The following TENM2 variants were observed in gnomAD, a reference collection of about 807,000 sequenced individuals.
TENM2 encodes the protein teneurin-2.
Under a neutral mutation model 245.2 loss-of-function variants are expected in TENM2, and 52 were observed. The ratio of observed to expected loss-of-function variants is 0.21; its 90% CI spans 0.17 to 0.27. TENM2 has a LOEUF of 0.27. Ranked by LOEUF, TENM2 falls within the 10% of genes least tolerant of loss-of-function variation. The probability of loss-of-function intolerance (pLI) is 1.00; values close to 1 mark genes in which losing one functional copy is unlikely to be tolerated. For synonymous variants in TENM2, 1,363 were observed against 1,438.9 expected, an observed-to-expected ratio of 0.95 and a Z score of 1.19; for missense variants, 3,046 against 3,666.8, an observed-to-expected ratio of 0.83 and a Z score of 4.37.
chr5:168,230,011 C>CTAAG (rs1366646980), intron 25 of TENM2, among the ~76,000 whole-genome samples: 2 of 152,162 alleles, frequency 1.3e-5, no homozygotes, highest in African/African-American at 4.8e-5. Context: ...TGCATTTTGA[C>CTAAG]TAAGTTTTCC....
intron 23 of TENM2, among the ~76,000 whole-genome samples, chr5:168,221,876 T>C (rs1307697838): frequency 6.6e-6 from 1 of 152,246 alleles, no homozygotes; most frequent in Non-Finnish European, 1.5e-5. Flanking sequence ...ACATGCTTAC[T>C]GATTGACGTT....
chr5:167,376,891 G>C (rs57699167), intron 2 of TENM2, among the ~76,000 whole-genome samples: 4,337 of 152,172 alleles, frequency 0.029, 211 homozygotes, highest in African/African-American at 0.099. Context: ...TTAAATGAAG[G>C]CAATTTGATT....
At chr5:167,144,810 T>C in the TENM2 span, among the ~76,000 whole-genome samples, 3 of 152,226 alleles carry the variant, frequency 2.0e-5, no homozygotes, top group African/African-American at 4.8e-5. Context: ...TTTAGTTTCC[T>C]GTTGTTGCTG....
intron 1 of TENM2, among the ~76,000 whole-genome samples, chr5:167,345,676 C>T (rs774167558): frequency 2.0e-5 from 3 of 151,848 alleles, no homozygotes; most frequent in Non-Finnish European, 4.4e-5. Flanking sequence ...TCACATAGGC[C>T]CCACTACTGC....
chr5:168,009,455 T>G (rs1275640750), intron 5 of TENM2, among the ~76,000 whole-genome samples: 4 of 152,228 alleles, frequency 2.6e-5, no homozygotes, highest in African/African-American at 9.6e-5. Context: ...TATGGGTTTA[T>G]GGATTGGGCA....
intron 5 of TENM2, among the ~76,000 whole-genome samples, chr5:168,015,457 T>C (rs1562053849): frequency 6.6e-6 from 1 of 152,228 alleles, no homozygotes; most frequent in Non-Finnish European, 1.5e-5. Flanking sequence ...CATTCGGCAC[T>C]GCAGCAGAGA....
chr5:167,135,099 C>T, the TENM2 span, among the ~76,000 whole-genome samples: 1 of 152,164 alleles, frequency 6.6e-6, no homozygotes, highest in Non-Finnish European at 1.5e-5. Context: ...TGTTTAGAGG[C>T]ACCCCATAAT....
chr5:167,824,025 T>C (rs1767757851), intron 2 of TENM2, among the ~76,000 whole-genome samples: 1 of 152,034 alleles, frequency 6.6e-6, no homozygotes, highest in African/African-American at 2.4e-5. Context: ...TTGTGATGGC[T>C]CCCCTGCCTT....
At chr5:167,319,947 A>G (rs1367843348) in intron 1 of TENM2, among the ~76,000 whole-genome samples, 2 of 151,980 alleles carry the variant, frequency 1.3e-5, no homozygotes. Flanking sequence ...ACTTATTAAA[A>G]CCTCTGGTGT....
chr5:167,945,657 TATGC>T (rs1779557162), intron 3 of TENM2, among the ~76,000 whole-genome samples: 1 of 152,204 alleles, frequency 6.6e-6, no homozygotes, highest in Non-Finnish European at 1.5e-5. Flanking sequence ...CGTGTTCCGC[TATGC>T]AGTGTTGATC....
intron 2 of TENM2, among the ~76,000 whole-genome samples, chr5:167,642,150 A>G (rs1307795000): frequency 1.3e-5 from 2 of 150,782 alleles, no homozygotes; most frequent in African/African-American, 2.5e-5. Context: ...CAAAAAAAAA[A>G]AAAAAATATG....
intron 4 of TENM2, chr5:167,953,302 T>G (rs375352572): frequency 5.1e-6 from 1 of 194,494 alleles, no homozygotes; most frequent in South Asian, 1.1e-4. Context: ...CAGTCTCACT[T>G]TAATCCCTCC....
At chr5:167,493,900 T>C (rs1380648175) in intron 2 of TENM2, among the ~76,000 whole-genome samples, 1 of 151,528 alleles carries the variant, frequency 6.6e-6, no homozygotes, top group Non-Finnish European at 1.5e-5. Flanking sequence ...GCATAAAGAG[T>C]GGCATGGGTG....
chr5:167,256,088 G>A, the TENM2 span, among the ~76,000 whole-genome samples: 5 of 152,144 alleles, frequency 3.3e-5, no homozygotes, highest in African/African-American at 1.2e-4. Context: ...TTGGCTTTTG[G>A]GTTTTGGATG....
At chr5:167,307,563 G>A (rs948302219) in intron 1 of TENM2, among the ~76,000 whole-genome samples, 2 of 152,038 alleles carry the variant, frequency 1.3e-5, no homozygotes, top group African/African-American at 4.8e-5. Flanking sequence ...TGACAGATGA[G>A]GAAACTAAGA....
chr5:167,863,653 A>G (rs1583219334), intron 2 of TENM2, among the ~76,000 whole-genome samples: 1 of 152,276 alleles, frequency 6.6e-6, no homozygotes, highest in East Asian at 1.9e-4. Flanking sequence ...CTCAATAAAT[A>G]AATAAATATT....
chr5:167,284,980 C>T lies in TENM2; in HGVS notation c.143C>T (p.Ala48Val), dbSNP rs1293965002. Reference sequence around the variant, plus strand: ...TACAGCTCCAGTGAGACTCTGAAGGCCTATGACCATGACAGCAGGATGCAC... The same window carrying T: ...TACAGCTCCAGTGAGACTCTGAAGGTCTATGACCATGACAGCAGGATGCAC... The change falls in exon 1 of 29, where the codon GCC becomes GTC. Residue 48 changes from alanine (A) to valine (V), a missense_variant. Physicochemically the swap from Ala to Val is moderately conservative, Grantham distance 64. Transcript: ENST00000518659. 7.7e-6 allele frequency: 12 copies of T among 1,551,810 alleles called. No individual in the cohort carries two copies.
chr5:167,243,657 G>C, the TENM2 span, among the ~76,000 whole-genome samples: 2 of 152,092 alleles, frequency 1.3e-5, no homozygotes, highest in Admixed American at 6.6e-5. Flanking sequence ...CCAAACTGCA[G>C]ATTTGTCTCC....
At chr5:167,898,394 T>A (rs1372608656) in intron 3 of TENM2, among the ~76,000 whole-genome samples, 1 of 152,154 alleles carries the variant, frequency 6.6e-6, no homozygotes. Context: ...TCTAGTAGCT[T>A]GGACTTGCTT....
Sources: gnomAD v4.1 joint callset for allele counts (sites outside exome capture counted in the v4.1 genomes callset) on GRCh38, gnomAD v4.1.1 for gene constraint, MANE v1.5 for transcripts, NCBI Gene and HGNC (gene_info 2026-07-23, HGNC 2026-07-21) for gene names.